The following KIF16B variants were observed in gnomAD, a reference collection of about 807,000 sequenced individuals.
KIF16B encodes kinesin family member 16B.
KIF16B carries 98 observed loss-of-function variants against 156.3 expected under a neutral mutation model. The observed-to-expected ratio is 0.63, with a 90% CI of 0.53 to 0.74. The LOEUF (loss-of-function observed/expected upper bound fraction) is 0.74. KIF16B is among the 30% of genes least tolerant of loss of function. The pLI is 0.00. For synonymous variants in KIF16B, 564 were observed against 583.7 expected (o/e 0.97, Z 0.49); for missense variants, 1,421 against 1,606.5 (o/e 0.88, Z 1.97).
At chr20:16,318,543 A>C (rs2063730476) in intron 24 of KIF16B, among the ~76,000 whole-genome samples, 1 of 152,164 alleles carries the variant, frequency 6.6e-6, no homozygotes, top group Non-Finnish European at 1.5e-5. Flanking sequence ...ACAAAAACAC[A>C]AGACGCGGTG....
At chr20:16,505,690 G>A in intron 9 of KIF16B, 32 bp downstream of exon 9, 1 of 1,586,318 alleles carries the variant, frequency 6.3e-7, no homozygotes, top group Non-Finnish European at 8.6e-7. Flanking sequence ...AGAAAATATT[G>A]TATGCTCAGA....
intron 25 of KIF16B, among the ~76,000 whole-genome samples, chr20:16,305,378 G>A (rs1324048854): frequency 6.6e-6 from 1 of 151,956 alleles, no homozygotes; most frequent in Non-Finnish European, 1.5e-5. Flanking sequence ...TCCTCTTCTG[G>A]GCTAATATAG....
At chr20:16,501,649 A>G (rs992310509) in intron 10 of KIF16B, among the ~76,000 whole-genome samples, 9 of 152,216 alleles carry the variant, frequency 5.9e-5, no homozygotes, top group Non-Finnish European at 1.3e-4. Context: ...GCATGATGGA[A>G]GACAACTTTG....
intron 25 of KIF16B, among the ~76,000 whole-genome samples, chr20:16,283,417 G>A (rs904331180): frequency 6.6e-6 from 1 of 152,050 alleles, no homozygotes; most frequent in African/African-American, 2.4e-5. Context: ...CCCAGACTGA[G>A]ACTCTACTGC....
chr20:16,480,898 T>C (rs1030901025), intron 12 of KIF16B, among the ~76,000 whole-genome samples: 1 of 152,206 alleles, frequency 6.6e-6, no homozygotes, highest in African/African-American at 2.4e-5. Flanking sequence ...TCACCCAGTG[T>C]CTCCAAATGC....
chr20:16,404,760 C>T lies in KIF16B; in HGVS notation c.1784+53G>A, dbSNP rs1568941286. On this transcript the variant is annotated intron_variant, in intron 17 of 25. Coordinates refer to ENST00000354981, the MANE Select transcript of KIF16B (RefSeq NM_024704.5). Reference sequence around the variant, plus strand: ...CCTTGTGACTATAATGGAGTTGGCACAATAAATGCAAAAGTGATCATCACA... The same window carrying T: ...CCTTGTGACTATAATGGAGTTGGCATAATAAATGCAAAAGTGATCATCACA... The T allele has an allele frequency of 2.9e-6, 4 of 1,378,138 alleles. 1 individual carries two copies. The South Asian group carries it at 3.5e-5, about 12-fold the overall frequency. 85.4% of individuals were successfully genotyped at this position (1,378,138 alleles called of 1,614,324 possible). A position where few individuals can be genotyped will look rare whatever the true frequency, so the allele number is the denominator to read the frequency against.
intron 12 of KIF16B, among the ~76,000 whole-genome samples, chr20:16,446,703 GT>G (rs2146567933): frequency 6.6e-6 from 1 of 152,234 alleles, no homozygotes; most frequent in African/African-American, 2.4e-5. Context: ...GGATTCTAAT[GT>G]TAAATTCTAA....
intron 22 of KIF16B, among the ~76,000 whole-genome samples, chr20:16,358,396 A>G (rs1393068704): frequency 4.6e-5 from 7 of 152,180 alleles, no homozygotes. Flanking sequence ...CAAGCATAAC[A>G]TACTCTAACT....
Position 16,367,597 on chromosome 20 carries a change from G to A in KIF16B, c.3498+2989C>T, listed in dbSNP as rs533778502. 1.2e-5 allele frequency: 20 copies of A among 1,612,770 alleles called. No individual in the cohort carries two copies. In the South Asian group the frequency reaches 1.8e-4, roughly 14 times the overall value. On this transcript the variant is annotated intron_variant, in intron 22 of 25. Transcript: ENST00000354981. ...TGTGTAGAGCAGTAACTGAACTTCT[G>A]CCAGGGAAGGGACATTGACTTCCAT...
At chr20:16,538,008 C>G (rs1285708886) in intron 1 of KIF16B, among the ~76,000 whole-genome samples, 1 of 152,070 alleles carries the variant, frequency 6.6e-6, no homozygotes, top group African/African-American at 2.4e-5. Context: ...CCAGCCCTAC[C>G]CACATTTTCA....
At chr20:16,525,763 T>C (rs1456802474) in intron 3 of KIF16B, among the ~76,000 whole-genome samples, 1 of 152,212 alleles carries the variant, frequency 6.6e-6, no homozygotes, top group African/African-American at 2.4e-5. Flanking sequence ...TTTACTGTGC[T>C]TCGCAGCATA....
intron 17 of KIF16B, among the ~76,000 whole-genome samples, chr20:16,388,793 G>A (rs562689227): frequency 6.6e-6 from 1 of 152,240 alleles, no homozygotes; most frequent in African/African-American, 2.4e-5. Flanking sequence ...GAGGGAGGGA[G>A]AAAGAAGGGA....
chr20:16,542,281 T>G (rs1235824624), intron 1 of KIF16B, among the ~76,000 whole-genome samples: 1 of 152,180 alleles, frequency 6.6e-6, no homozygotes, highest in Admixed American at 6.5e-5. Context: ...TTATCTGGGA[T>G]GTTGTATGGG....
intron 1 of KIF16B, among the ~76,000 whole-genome samples, chr20:16,531,092 A>G (rs1326129505): frequency 6.6e-6 from 1 of 152,198 alleles, no homozygotes; most frequent in Non-Finnish European, 1.5e-5. Context: ...AGGACTCAGG[A>G]ACCAACCTGC....
At chr20:16,440,474 T>C (rs1337308565) in intron 12 of KIF16B, among the ~76,000 whole-genome samples, 1 of 151,760 alleles carries the variant, frequency 6.6e-6, no homozygotes, top group African/African-American at 2.4e-5. Flanking sequence ...GCCTTGCTTT[T>C]TCCATGACTT....
intron 1 of KIF16B, among the ~76,000 whole-genome samples, chr20:16,531,863 T>C (rs2069762686): frequency 6.6e-6 from 1 of 152,052 alleles, no homozygotes; most frequent in East Asian, 1.9e-4. Flanking sequence ...GAAGTCAGGG[T>C]TCGAGACCAG....
At chr20:16,395,643 A>T (rs937070366) in intron 17 of KIF16B, among the ~76,000 whole-genome samples, 2 of 148,840 alleles carry the variant, frequency 1.3e-5, no homozygotes, top group African/African-American at 5.1e-5. Context: ...ATTCTAGTAC[A>T]GCAAGTAGCT....
intron 25 of KIF16B, among the ~76,000 whole-genome samples, chr20:16,302,127 C>T (rs2063480956): frequency 6.6e-6 from 1 of 152,174 alleles, no homozygotes; most frequent in South Asian, 2.1e-4. Context: ...AAGTTTTAAA[C>T]TTTAGTGAAG....
intron 23 of KIF16B, among the ~76,000 whole-genome samples, chr20:16,353,214 T>A (rs554071398): frequency 6.6e-6 from 1 of 152,168 alleles, no homozygotes; most frequent in Non-Finnish European, 1.5e-5. Flanking sequence ...AAGAATTTAG[T>A]AGTAGCCAAA....
Sources: gnomAD v4.1 joint callset for allele counts (sites outside exome capture counted in the v4.1 genomes callset) on GRCh38, gnomAD v4.1.1 for gene constraint, MANE v1.5 for transcripts, NCBI Gene and HGNC (gene_info 2026-07-23, HGNC 2026-07-21) for gene names.